Variants in TWSG1 observed in about 807,000 individuals in gnomAD.
TWSG1 encodes the protein twisted gastrulation BMP signaling modulator 1, also known as twisted gastrulation protein homolog 1.
A neutral mutation model predicts 23.0 loss-of-function variants in TWSG1; 15 were observed. That is an observed-to-expected ratio of 0.65 (90% CI 0.44 to 1.00). The LOEUF (loss-of-function observed/expected upper bound fraction) is 1.00. Among genes scored for constraint, TWSG1 ranks in the 50% least tolerant of loss-of-function variants. TWSG1 has a pLI of 0.00. For synonymous variants in TWSG1, 86 were observed against 92.8 expected (o/e 0.93, Z 0.42); for missense variants, 242 against 278.7 (o/e 0.87, Z 0.94).
intron 2 of TWSG1, among the ~76,000 whole-genome samples, chr18:9,342,642 C>T (rs1210407154): frequency 6.6e-6 from 1 of 152,144 alleles, no homozygotes; most frequent in Non-Finnish European, 1.5e-5. Context: ...CAAATGGAGC[C>T]TTCAGTCTTG....
At chr18:9,391,505 C>CAGGAGAATTG (rs2040712764) in intron 3 of TWSG1, among the ~76,000 whole-genome samples, 1 of 152,188 alleles carries the variant, frequency 6.6e-6, no homozygotes, top group Non-Finnish European at 1.5e-5. Context: ...GCAGCTATAA[C>CAGGAGAATTG]CTTACAAGAT....
chr18:9,389,054 G>A (rs1278577383), intron 3 of TWSG1, among the ~76,000 whole-genome samples: 1 of 151,906 alleles, frequency 6.6e-6, no homozygotes, highest in South Asian at 2.1e-4. Context: ...TTGGCTCACC[G>A]CAACCTCCAC....
chr18:9,387,790 A>C (rs2040692741), intron 3 of TWSG1, among the ~76,000 whole-genome samples: 1 of 151,718 alleles, frequency 6.6e-6, no homozygotes, highest in East Asian at 1.9e-4. Context: ...AAAAAAAAGC[A>C]AATTGCAGAC....
intron 2 of TWSG1, among the ~76,000 whole-genome samples, chr18:9,344,083 G>A (rs1161110891): frequency 6.6e-6 from 1 of 152,094 alleles, no homozygotes; most frequent in East Asian, 1.9e-4. Context: ...AAAATTTTTT[G>A]TGTGTGGAGA....
At chr18:9,358,801 T>C (rs1016638699) in intron 2 of TWSG1, among the ~76,000 whole-genome samples, 1 of 152,198 alleles carries the variant, frequency 6.6e-6, no homozygotes, top group Non-Finnish European at 1.5e-5. Flanking sequence ...TGAAGTTCCT[T>C]CTAAGCCTGA....
At position 9,341,793 on chromosome 18, in the gene TWSG1, G is replaced by GT. The variant is rs2040447488; in HGVS notation, c.123+4444dup. Among the ~76,000 whole-genome samples the GT allele has an allele frequency of 3.3e-5, 5 of 150,134 alleles. No individual in the cohort carries two copies. In the South Asian group the frequency reaches 1.0e-3, roughly 31 times the overall value. Reference sequence around the variant, plus strand: ...ATATTAATAGTCCTTTCCTTTTAAAGTTTATTTTATTTTATTATTTTTTTT... The same window carrying GT: ...ATATTAATAGTCCTTTCCTTTTAAAGTTTTATTTTATTTTATTATTTTTTTT... On this transcript the variant is annotated intron_variant, in intron 2 of 4. Coordinates refer to ENST00000262120, the MANE Select transcript of TWSG1 (RefSeq NM_020648.6).
At chr18:9,341,177 A>G (rs1181323878) in intron 2 of TWSG1, among the ~76,000 whole-genome samples, 1 of 152,198 alleles carries the variant, frequency 6.6e-6, no homozygotes, top group African/African-American at 2.4e-5. Flanking sequence ...TGACAGTGTC[A>G]TGTTGTAAGC....
chr18:9,398,099 A>G (rs574830456), intron 4 of TWSG1, among the ~76,000 whole-genome samples: 2 of 152,078 alleles, frequency 1.3e-5, no homozygotes, highest in South Asian at 4.1e-4. Flanking sequence ...GTTAAATGAC[A>G]GTGTAAGATT....
chr18:9,366,755 C>T (rs2040580717), intron 3 of TWSG1, among the ~76,000 whole-genome samples: 1 of 152,088 alleles, frequency 6.6e-6, no homozygotes, highest in Non-Finnish European at 1.5e-5. Context: ...TTAAGAAAAA[C>T]TATGCAAATT....
At chr18:9,395,244 G>A (rs1455761336) in intron 3 of TWSG1, among the ~76,000 whole-genome samples, 13 of 152,140 alleles carry the variant, frequency 8.5e-5, no homozygotes, top group Admixed American at 8.5e-4. Flanking sequence ...CACTGGTGAT[G>A]TTAACTTTGA....
intron 2 of TWSG1, among the ~76,000 whole-genome samples, chr18:9,345,933 C>G (rs2040474990): frequency 6.6e-6 from 1 of 152,196 alleles, no homozygotes; most frequent in East Asian, 1.9e-4. Flanking sequence ...TTATTAACAT[C>G]TTGCATCTGT....
At chr18:9,336,409 A>C (rs998061351) in intron 1 of TWSG1, among the ~76,000 whole-genome samples, 2 of 151,968 alleles carry the variant, frequency 1.3e-5, no homozygotes, top group African/African-American at 4.8e-5. Context: ...AAAAAAAAAA[A>C]GAATATCGTC....
chr18:9,387,295 T>TA (rs1158680287), intron 3 of TWSG1, among the ~76,000 whole-genome samples: 1 of 151,982 alleles, frequency 6.6e-6, no homozygotes, highest in Non-Finnish European at 1.5e-5. Flanking sequence ...AACAAGAAAA[T>TA]AATTCTCCAT....
chr18:9,396,631 T>G lies in TWSG1; in HGVS notation c.490+85T>G, dbSNP rs572051395. The G allele has an allele frequency of 5.4e-5, 80 of 1,489,200 alleles. No homozygotes were observed. The South Asian group carries it at 1.0e-3, about 19-fold the overall frequency. The allele number at this position is 1,489,200 out of a possible 1,614,324, so 92.2% of individuals were successfully genotyped here. On this transcript the variant is annotated intron_variant, in intron 4 of 4. Transcript: ENST00000262120. The stretch of plus-strand genomic sequence containing the variant: ...CTATAAAACCTATATAAGACCATCT[T>G]TTGGAGCAGCCTTTTGGTTTTGAAT...
chr18:9,386,927 G>T (rs2040687703), intron 3 of TWSG1, among the ~76,000 whole-genome samples: 1 of 152,296 alleles, frequency 6.6e-6, no homozygotes, highest in South Asian at 2.1e-4. Context: ...ATGTAAAATA[G>T]AAACATTTTT....
intron 3 of TWSG1, among the ~76,000 whole-genome samples, chr18:9,372,459 T>C (rs866013144): frequency 4.9e-4 from 73 of 149,256 alleles, no homozygotes; most frequent in African/African-American, 1.5e-3. Context: ...TTTCAGATGA[T>C]AGTCAACCAC....
chr18:9,361,186 C>T (rs2040550769), intron 3 of TWSG1, among the ~76,000 whole-genome samples: 2 of 152,098 alleles, frequency 1.3e-5, no homozygotes, highest in Non-Finnish European at 2.9e-5. Context: ...TCTTTTCACC[C>T]TTGTATTAAT....
intron 2 of TWSG1, among the ~76,000 whole-genome samples, chr18:9,348,469 T>C (rs1598821789): frequency 6.6e-6 from 1 of 152,220 alleles, no homozygotes; most frequent in East Asian, 1.9e-4. Context: ...ATATTCAAAA[T>C]TGCCTGTGCA....
At chr18:9,357,960 T>C (rs376302948) in intron 2 of TWSG1, among the ~76,000 whole-genome samples, 60 of 152,136 alleles carry the variant, frequency 3.9e-4, no homozygotes, top group African/African-American at 1.1e-3. Context: ...GAGTATTTGA[T>C]CTAAAATGAG....
Sources: gnomAD v4.1 joint callset for allele counts (sites outside exome capture counted in the v4.1 genomes callset) on GRCh38, gnomAD v4.1.1 for gene constraint, MANE v1.5 for transcripts, NCBI Gene and HGNC (gene_info 2026-07-23, HGNC 2026-07-21) for gene names.